SLC24A3: variants seen among roughly 807,000 people sequenced by gnomAD.
SLC24A3 encodes the protein solute carrier family 24 member 3.
A neutral mutation model predicts 75.8 loss-of-function variants in SLC24A3; 28 were observed. The observed-to-expected ratio is 0.37, with a 90% CI of 0.27 to 0.51. SLC24A3 has a LOEUF of 0.51. SLC24A3 is among the 20% of genes least tolerant of loss of function. The pLI is 0.94. For synonymous variants in SLC24A3, 372 were observed against 334.1 expected, an observed-to-expected ratio of 1.11 and a Z score of -1.24; for missense variants, 663 against 847.8, an observed-to-expected ratio of 0.78 and a Z score of 2.71.
At chr20:19,305,954 G>A (rs911585150) in intron 2 of SLC24A3, among the ~76,000 whole-genome samples, 5 of 152,162 alleles carry the variant, frequency 3.3e-5, no homozygotes, top group Non-Finnish European at 7.3e-5. Flanking sequence ...CCTACAGAAT[G>A]GGAGAAAATA....
intron 6 of SLC24A3, among the ~76,000 whole-genome samples, chr20:19,615,827 T>C (rs1038295672): frequency 6.6e-6 from 1 of 152,154 alleles, no homozygotes; most frequent in Non-Finnish European, 1.5e-5. Flanking sequence ...ACCAGTGGCT[T>C]CCTGGGGACT....
chr20:19,575,338 G>A (rs1450358054), intron 3 of SLC24A3, among the ~76,000 whole-genome samples: 2 of 150,504 alleles, frequency 1.3e-5, no homozygotes, highest in South Asian at 4.2e-4. Context: ...CATATATAGA[G>A]AGCCCATGCT....
At chr20:19,350,750 C>A (rs73126844) in intron 2 of SLC24A3, among the ~76,000 whole-genome samples, 217 of 152,304 alleles carry the variant, frequency 1.4e-3, no homozygotes, top group Middle Eastern at 0.014. Context: ...GAGAAGGAGA[C>A]TGAATGATTA....
intron 2 of SLC24A3, among the ~76,000 whole-genome samples, chr20:19,380,052 T>TA (rs1464675999): frequency 1.2e-4 from 18 of 152,188 alleles, no homozygotes; most frequent in African/African-American, 4.3e-4. Flanking sequence ...ACAGGGAACT[T>TA]ACAATAATGG....
intron 5 of SLC24A3, 107 bp from the exon 6 acceptor site, chr20:19,585,334 T>G (rs1486019424): frequency 6.4e-6 from 7 of 1,089,424 alleles, no homozygotes. Context: ...CTCAGCTGTT[T>G]CCTGTAGATT....
intron 3 of SLC24A3, among the ~76,000 whole-genome samples, chr20:19,562,217 G>A (rs1447429917): frequency 1.3e-5 from 2 of 152,158 alleles, no homozygotes; most frequent in African/African-American, 4.8e-5. Context: ...ATTGGTGGCA[G>A]CATCTGCAAA....
intron 2 of SLC24A3, among the ~76,000 whole-genome samples, chr20:19,473,372 A>G: frequency 6.6e-6 from 1 of 152,250 alleles, no homozygotes; most frequent in East Asian, 1.9e-4. Context: ...CTAGATTCCT[A>G]ACTCACAATG....
chr20:19,545,025 C>A (rs1367771702), intron 3 of SLC24A3, among the ~76,000 whole-genome samples: 1 of 152,172 alleles, frequency 6.6e-6, no homozygotes, highest in Non-Finnish European at 1.5e-5. Flanking sequence ...TGGGCATATT[C>A]ATAATTTTTT....
At chr20:19,546,178 A>AAAAAAAAAAAC (rs2030590614) in intron 3 of SLC24A3, among the ~76,000 whole-genome samples, 1 of 149,756 alleles carries the variant, frequency 6.7e-6, no homozygotes, top group Non-Finnish European at 1.5e-5. Flanking sequence ...AAAAAAAAAA[A>AAAAAAAAAAAC]AAAAAAAAAA....
chr20:19,413,710 G>A (rs1191968468), intron 2 of SLC24A3, among the ~76,000 whole-genome samples: 2 of 152,140 alleles, frequency 1.3e-5, no homozygotes, highest in Non-Finnish European at 2.9e-5. Context: ...ATGTCTCTAT[G>A]ACATTCTACC....
chr20:19,235,208 G>C (rs1236503933), intron 1 of SLC24A3, among the ~76,000 whole-genome samples: 1 of 152,212 alleles, frequency 6.6e-6, no homozygotes, highest in African/African-American at 2.4e-5. Context: ...GCCTGGAGCT[G>C]TAGCTGCTTG....
At chr20:19,339,062 G>C (rs56144972) in intron 2 of SLC24A3, among the ~76,000 whole-genome samples, 44 of 152,298 alleles carry the variant, frequency 2.9e-4, no homozygotes, top group Non-Finnish European at 5.7e-4. Context: ...GCCAAGATTC[G>C]GAAGAGCTGT....
intron 2 of SLC24A3, among the ~76,000 whole-genome samples, chr20:19,296,569 A>C (rs1394099049): frequency 6.6e-6 from 1 of 152,158 alleles, no homozygotes; most frequent in Non-Finnish European, 1.5e-5. Flanking sequence ...ATACATATGC[A>C]CCCAATACAG....
At chr20:19,214,136 G>A (rs1199948174) in intron 1 of SLC24A3, among the ~76,000 whole-genome samples, 5 of 152,152 alleles carry the variant, frequency 3.3e-5, no homozygotes, top group African/African-American at 2.4e-5. Flanking sequence ...GCTTGGTGGG[G>A]AAGTGAAACA....
chr20:19,602,769 C>A (rs2031543725), intron 6 of SLC24A3, among the ~76,000 whole-genome samples: 2 of 152,174 alleles, frequency 1.3e-5, no homozygotes, highest in African/African-American at 2.4e-5. Context: ...CCAGAGGAGG[C>A]CTGTCCAAAC....
At chr20:19,643,622 C>T (rs1342411399) in intron 6 of SLC24A3, among the ~76,000 whole-genome samples, 1 of 152,186 alleles carries the variant, frequency 6.6e-6, no homozygotes, top group Non-Finnish European at 1.5e-5. Context: ...TTATAGACAT[C>T]AAATGCCAGT....
chr20:19,369,392 G>C (rs992563740), intron 2 of SLC24A3, among the ~76,000 whole-genome samples: 2 of 152,122 alleles, frequency 1.3e-5, no homozygotes, highest in African/African-American at 4.8e-5. Flanking sequence ...AAATGTCAAG[G>C]GCATGAAAGA....
At chr20:19,458,718 T>C (rs778084585) in intron 2 of SLC24A3, among the ~76,000 whole-genome samples, 1 of 152,242 alleles carries the variant, frequency 6.6e-6, no homozygotes, top group African/African-American at 2.4e-5. Flanking sequence ...TATTCCATTT[T>C]ATATACATCC....
chr20:19,698,203 C>G (rs536317187), intron 14 of SLC24A3, among the ~76,000 whole-genome samples: 115 of 152,294 alleles, frequency 7.6e-4, no homozygotes, highest in African/African-American at 2.6e-3. Context: ...TTAAACCATT[C>G]ATAAGAAACC....
Sources: gnomAD v4.1 joint callset for allele counts (sites outside exome capture counted in the v4.1 genomes callset) on GRCh38, gnomAD v4.1.1 for gene constraint, MANE v1.5 for transcripts, NCBI Gene and HGNC (gene_info 2026-07-23, HGNC 2026-07-21) for gene names.